NRXN3: variants seen among roughly 807,000 people sequenced by gnomAD.
NRXN3 encodes neurexin 3, also known as neurexin III.
A neutral mutation model predicts 137.6 loss-of-function variants in NRXN3; 32 were observed. The ratio of observed to expected loss-of-function variants is 0.23; its 90% CI spans 0.18 to 0.31. The LOEUF is 0.31. NRXN3 is among the 10% of genes least tolerant of loss of function. The pLI is 1.00. For missense variants in NRXN3, 1,574 were observed against 2,062.5 expected (o/e 0.76, Z 4.59); for synonymous variants, 798 against 784.5 (o/e 1.02, Z -0.29).
intron 15 of NRXN3, among the ~76,000 whole-genome samples, chr14:79,207,254 T>C (rs538891373): frequency 6.6e-6 from 1 of 152,338 alleles, no homozygotes; most frequent in Admixed American, 6.5e-5. Context: ...AATTCCTGAA[T>C]ACTAAATTCG....
rs1597032160 is a variant in NRXN3, at chr14:78,889,891, A to G, written c.2276-67351A>G. 4.6e-5 allele frequency among the ~76,000 whole-genome samples: 7 copies of G among 152,068 alleles called. No individual in the cohort carries two copies. The East Asian group carries it at 9.7e-4, about 21-fold the overall frequency. ...GTGATGAGATCATCCTGGATTGTAC[A>G]GGTGGGCCCTAAATCCAGTGAAAAC... is the stretch of plus-strand genomic sequence containing the variant. On this transcript the variant is annotated intron_variant, in intron 10 of 20. Transcript: ENST00000335750.
chr14:78,574,401 G>T (rs911201404), intron 4 of NRXN3, among the ~76,000 whole-genome samples: 1 of 152,230 alleles, frequency 6.6e-6, no homozygotes, highest in African/African-American at 2.4e-5. Context: ...GGGACTCAAT[G>T]CCAGCCAATG....
At chr14:78,698,381 C>T (rs375285098) in intron 6 of NRXN3, 2 of 152,044 alleles carry the variant, frequency 1.3e-5, no homozygotes, top group South Asian at 2.1e-4. Flanking sequence ...AGCTGTTTGG[C>T]ATGCCTATTG....
At chr14:79,823,910 G>A (rs1376886875) in intron 20 of NRXN3, 8 of 450,874 alleles carry the variant, frequency 1.8e-5, no homozygotes, top group South Asian at 9.4e-5. Flanking sequence ...GTGACAAATT[G>A]TCCATGGATA....
At chr14:79,324,860 G>A (rs1473968904) in intron 15 of NRXN3, among the ~76,000 whole-genome samples, 1 of 152,136 alleles carries the variant, frequency 6.6e-6, no homozygotes, top group African/African-American at 2.4e-5. Flanking sequence ...ATATGTGTGT[G>A]TATTATATGC....
intron 15 of NRXN3, among the ~76,000 whole-genome samples, chr14:78,989,793 G>T (rs547075202): frequency 3.9e-5 from 6 of 152,028 alleles, no homozygotes; most frequent in African/African-American, 1.4e-4. Flanking sequence ...TCGCATATAC[G>T]TCCCTTTCTG....
intron 15 of NRXN3, among the ~76,000 whole-genome samples, chr14:79,245,398 G>A (rs767458137): frequency 6.6e-6 from 1 of 151,988 alleles, no homozygotes; most frequent in South Asian, 2.1e-4. Flanking sequence ...GGAAGAGAAG[G>A]AGAGAGAGAA....
At chr14:79,684,294 A>G (rs961066511) in intron 17 of NRXN3, among the ~76,000 whole-genome samples, 2 of 151,834 alleles carry the variant, frequency 1.3e-5, no homozygotes, top group Admixed American at 1.3e-4. Context: ...CCATTCAACT[A>G]GAAACTGGCT....
At chr14:78,455,997 C>T (rs976489028) in intron 4 of NRXN3, among the ~76,000 whole-genome samples, 2 of 152,208 alleles carry the variant, frequency 1.3e-5, no homozygotes, top group African/African-American at 2.4e-5. Context: ...GTGAAATATC[C>T]TGATGGACAT....
rs551544403 is a variant in NRXN3 at position 79,055,289 on chromosome 14, A to G, written c.3262+67148A>G. 3.9e-5 allele frequency among the ~76,000 whole-genome samples: 6 copies of G among 152,266 alleles called. No homozygotes were observed. The East Asian group carries it at 7.7e-4, about 20-fold the overall frequency. On this transcript the variant is annotated intron_variant, in intron 15 of 20. Transcript: ENST00000335750. ...AGCAGTTGTTATTCATTGAACACCTACTGTTTGTCAGGATTGGGCAAGTGG... is the reference window on the plus strand; with the variant it reads ...AGCAGTTGTTATTCATTGAACACCTGCTGTTTGTCAGGATTGGGCAAGTGG...
intron 7 of NRXN3, 52 bp downstream of exon 7, chr14:78,709,707 C>A: frequency 6.6e-7 from 1 of 1,519,580 alleles, no homozygotes; most frequent in South Asian, 1.2e-5. Context: ...TGTAGCTTCT[C>A]AGTTTGTTTT....
intron 10 of NRXN3, among the ~76,000 whole-genome samples, chr14:78,866,927 A>G (rs2099088472): frequency 6.6e-6 from 1 of 150,642 alleles, no homozygotes; most frequent in South Asian, 2.1e-4. Flanking sequence ...CCTCCCAAGC[A>G]GCTGAGACTA....
chr14:78,367,164 T>G (rs2086087879), intron 4 of NRXN3, among the ~76,000 whole-genome samples: 1 of 152,232 alleles, frequency 6.6e-6, no homozygotes, highest in Non-Finnish European at 1.5e-5. Context: ...TTCTGCTGGT[T>G]CTGTGCTTCT....
At chr14:79,628,058 A>G (rs1477868897) in intron 16 of NRXN3, among the ~76,000 whole-genome samples, 4 of 152,238 alleles carry the variant, frequency 2.6e-5, no homozygotes, top group African/African-American at 9.6e-5. Context: ...TAATAAAAAG[A>G]TAAGTACTGA....
At chr14:78,225,942 G>C (rs1261001685) in intron 1 of NRXN3, among the ~76,000 whole-genome samples, 2 of 111,818 alleles carry the variant, frequency 1.8e-5, no homozygotes, top group South Asian at 5.2e-4. Flanking sequence ...CAAGTAGCAG[G>C]TGTTTTTTTG....
chr14:79,337,930 G>A (rs1242312136), intron 15 of NRXN3, among the ~76,000 whole-genome samples: 2 of 152,050 alleles, frequency 1.3e-5, no homozygotes, highest in African/African-American at 4.8e-5. Flanking sequence ...CCTCCCTTCT[G>A]ATTGCTTCAC....
chr14:79,284,343 CATATATAT>C (rs60596302), intron 15 of NRXN3, among the ~76,000 whole-genome samples: 1,022 of 65,048 alleles, frequency 0.016, 20 homozygotes, highest in African/African-American at 0.044. Flanking sequence ...ACTAAAAATA[CATATATAT>C]ATATATATAT....
At chr14:78,756,893 T>C (rs1295502254) in intron 8 of NRXN3, among the ~76,000 whole-genome samples, 1 of 152,228 alleles carries the variant, frequency 6.6e-6, no homozygotes, top group Non-Finnish European at 1.5e-5. Context: ...TGGTGGGTTA[T>C]TAGATTTGGT....
chr14:79,253,535 T>C (rs1394064992), intron 15 of NRXN3, among the ~76,000 whole-genome samples: 4 of 152,204 alleles, frequency 2.6e-5, no homozygotes, highest in Non-Finnish European at 5.9e-5. Flanking sequence ...ATATTGCTAC[T>C]CTTATTCTTC....
Sources: gnomAD v4.1 joint callset for allele counts (sites outside exome capture counted in the v4.1 genomes callset) on GRCh38, gnomAD v4.1.1 for gene constraint, MANE v1.5 for transcripts, NCBI Gene and HGNC (gene_info 2026-07-23, HGNC 2026-07-21) for gene names.